Variants in XYLT1 observed in about 807,000 individuals in gnomAD.
The protein encoded by XYLT1 is beta-D-xylosyltransferase 1.
A neutral mutation model predicts 91.3 loss-of-function variants in XYLT1; 36 were observed. The ratio of observed to expected loss-of-function variants is 0.39; its 90% CI spans 0.30 to 0.52. The LOEUF is 0.52. Among genes scored for constraint, XYLT1 ranks in the 20% least tolerant of loss-of-function variants. The probability of loss-of-function intolerance (pLI) is 0.68; values close to 1 mark genes in which losing one functional copy is unlikely to be tolerated. For missense variants in XYLT1, 1,242 were observed against 1,284.5 expected, an observed-to-expected ratio of 0.97 and a Z score of 0.51; for synonymous variants, 588 against 532.0, an observed-to-expected ratio of 1.11 and a Z score of -1.45.
intron 6 of XYLT1, among the ~76,000 whole-genome samples, chr16:17,150,800 A>C (rs1447568242): frequency 6.6e-6 from 1 of 152,248 alleles, no homozygotes; most frequent in Non-Finnish European, 1.5e-5. Context: ...GTAATGATAG[A>C]AAATAAAGAG....
chr16:17,333,738 C>T (rs2034937736), intron 2 of XYLT1, among the ~76,000 whole-genome samples: 1 of 151,918 alleles, frequency 6.6e-6, no homozygotes, highest in Admixed American at 6.6e-5. Context: ...CAGGCATGTA[C>T]CACCATGCCT....
At chr16:17,283,085 G>A (rs1163916233) in intron 2 of XYLT1, among the ~76,000 whole-genome samples, 1 of 152,070 alleles carries the variant, frequency 6.6e-6, no homozygotes, top group Admixed American at 6.6e-5. Flanking sequence ...GAAATTCCCA[G>A]TCATCCAGCA....
intron 3 of XYLT1, among the ~76,000 whole-genome samples, chr16:17,252,099 G>A (rs1299123328): frequency 6.6e-6 from 1 of 151,214 alleles, no homozygotes; most frequent in African/African-American, 2.5e-5. Flanking sequence ...CCATTGCGAC[G>A]ATTAGGTTGG....
chr16:17,394,900 C>T (rs754356600), intron 1 of XYLT1, among the ~76,000 whole-genome samples: 2 of 152,154 alleles, frequency 1.3e-5, no homozygotes, highest in Non-Finnish European at 2.9e-5. Context: ...GCAGGAAGAT[C>T]GCTTGAGGAC....
intron 2 of XYLT1, among the ~76,000 whole-genome samples, chr16:17,338,861 C>A (rs1304155659): frequency 6.6e-6 from 1 of 152,196 alleles, no homozygotes; most frequent in African/African-American, 2.4e-5. Context: ...CTGGGATTAT[C>A]ATTCACCCGT....
At chr16:17,233,156 C>T (rs2033194080) in intron 3 of XYLT1, among the ~76,000 whole-genome samples, 1 of 152,184 alleles carries the variant, frequency 6.6e-6, no homozygotes, top group African/African-American at 2.4e-5. Context: ...CTCTCCCCAA[C>T]TCCACAGGAA....
intron 2 of XYLT1, among the ~76,000 whole-genome samples, chr16:17,267,656 G>T (rs1164588125): frequency 6.6e-6 from 1 of 152,136 alleles, no homozygotes; most frequent in African/African-American, 2.4e-5. Context: ...TGATCCGCCC[G>T]CCTCAGCCTC....
intron 1 of XYLT1, among the ~76,000 whole-genome samples, chr16:17,365,279 C>T (rs749970123): frequency 1.1e-4 from 16 of 152,126 alleles, no homozygotes; most frequent in Non-Finnish European, 2.4e-4. Context: ...TTGCAGCAAC[C>T]AAGGTGTTGC....
At chr16:17,264,514 T>A (rs2033772314) in intron 2 of XYLT1, among the ~76,000 whole-genome samples, 1 of 152,208 alleles carries the variant, frequency 6.6e-6, no homozygotes, top group African/African-American at 2.4e-5. Flanking sequence ...CCCTAACTCT[T>A]CATCTGACTG....
chr16:17,470,380 G>A lies in XYLT1; in HGVS notation c.363+54C>T, dbSNP rs996100005. The A allele has an allele frequency of 2.2e-4, 265 of 1,214,660 alleles. No individual in the cohort carries two copies. The African/African-American group carries it at 3.4e-3, about 16-fold the overall frequency. The allele number at this position is 1,214,660 out of a possible 1,614,324, so 75.2% of individuals were successfully genotyped here. A position where few individuals can be genotyped will look rare whatever the true frequency, so the allele number is the denominator to read the frequency against. ...TCAAGGGCTAGGGGGGCGTGGGGTCGGGCTGCCTTCCTCCCTCCCTCGCCG... is the reference window on the plus strand; with the variant it reads ...TCAAGGGCTAGGGGGGCGTGGGGTCAGGCTGCCTTCCTCCCTCCCTCGCCG... On this transcript the variant is annotated intron_variant, in intron 1 of 11. Coordinates refer to ENST00000261381, the MANE Select transcript of XYLT1 (RefSeq NM_022166.4).
chr16:17,158,230 T>A (rs899587912), intron 6 of XYLT1, among the ~76,000 whole-genome samples: 2 of 152,126 alleles, frequency 1.3e-5, no homozygotes, highest in Non-Finnish European at 2.9e-5. Flanking sequence ...GTGTGAGGGA[T>A]CTGGGTTGGG....
chr16:17,370,557 G>A (rs558291590), intron 1 of XYLT1, among the ~76,000 whole-genome samples: 2 of 152,334 alleles, frequency 1.3e-5, no homozygotes, highest in South Asian at 4.1e-4. Flanking sequence ...TCATGAAGTG[G>A]TGGGAAGCAA....
intron 1 of XYLT1, among the ~76,000 whole-genome samples, chr16:17,369,259 A>G (rs554820530): frequency 6.6e-6 from 1 of 151,416 alleles, no homozygotes; most frequent in East Asian, 2.0e-4. Context: ...ACTCCTGAGG[A>G]GCTGGGATTA....
intron 2 of XYLT1, among the ~76,000 whole-genome samples, chr16:17,326,748 C>G (rs35926494): frequency 6.6e-6 from 1 of 151,504 alleles, no homozygotes; most frequent in African/African-American, 2.4e-5. Context: ...TGGCGTGAAC[C>G]GGGGAGGCGG....
intron 1 of XYLT1, among the ~76,000 whole-genome samples, chr16:17,470,161 C>A (rs2036964775): frequency 6.6e-6 from 1 of 152,144 alleles, no homozygotes; most frequent in African/African-American, 2.4e-5. Context: ...GAACAGGAAC[C>A]CAGCCAGGCT....
chr16:17,131,749 A>C (rs1017353506), intron 9 of XYLT1, among the ~76,000 whole-genome samples: 5 of 152,260 alleles, frequency 3.3e-5, no homozygotes, highest in Non-Finnish European at 7.3e-5. Context: ...TATAGACTGG[A>C]AAGGCACAAT....
At chr16:17,117,228 A>G (rs1032358408) in intron 11 of XYLT1, among the ~76,000 whole-genome samples, 1 of 152,222 alleles carries the variant, frequency 6.6e-6, no homozygotes, top group Non-Finnish European at 1.5e-5. Context: ...AATGTAGCAA[A>G]TATCTTCTAC....
At chr16:17,220,438 T>A (rs1343187249) in intron 3 of XYLT1, among the ~76,000 whole-genome samples, 3 of 152,210 alleles carry the variant, frequency 2.0e-5, no homozygotes, top group African/African-American at 7.2e-5. Context: ...GCAGTCTGGA[T>A]AAATTTGGGG....
At chr16:17,268,439 T>C (rs1185829538) in intron 2 of XYLT1, among the ~76,000 whole-genome samples, 5 of 152,208 alleles carry the variant, frequency 3.3e-5, no homozygotes, top group South Asian at 2.1e-4. Context: ...CTCTTTGGTG[T>C]TCCTCAATAA....
Sources: gnomAD v4.1 joint callset for allele counts (sites outside exome capture counted in the v4.1 genomes callset) on GRCh38, gnomAD v4.1.1 for gene constraint, MANE v1.5 for transcripts, NCBI Gene and HGNC (gene_info 2026-07-23, HGNC 2026-07-21) for gene names.